Variants in PLXNA4 observed in about 807,000 individuals in gnomAD.
PLXNA4 encodes plexin-A4.
A neutral mutation model predicts 191.8 loss-of-function variants in PLXNA4; 44 were observed. The observed-to-expected ratio is 0.23, with a 90% CI of 0.18 to 0.29. The LOEUF (loss-of-function observed/expected upper bound fraction) is 0.29. PLXNA4 is among the 10% of genes least tolerant of loss of function. The pLI is 1.00. For synonymous variants in PLXNA4, 1,082 were observed against 1,009.5 expected (o/e 1.07, Z -1.36); for missense variants, 1,800 against 2,488.8 (o/e 0.72, Z 5.89).
chr7:132,492,001 C>T (rs1351575702), intron 2 of PLXNA4, among the ~76,000 whole-genome samples: 2 of 152,174 alleles, frequency 1.3e-5, no homozygotes, highest in Non-Finnish European at 2.9e-5. Context: ...CCTCGTGGCC[C>T]TTGAATGTTC....
Position 132,368,710 on chromosome 7 carries a change from G to A in PLXNA4, c.1372-70488C>T, listed in dbSNP as rs539508206. On this transcript the variant is annotated intron_variant, in intron 3 of 31. Transcript: ENST00000321063. ...CCATCAACAGTTGTAGATGAGGCTG[G>A]AGCTGAGAAGAACTGACAAGCAGAC... 2.2e-4 allele frequency among the ~76,000 whole-genome samples: 33 copies of A among 152,326 alleles called. 1 individual carries two copies. The highest frequency in any genetic ancestry group is 7.7e-4 in the African/African-American group (32 of 41,580).
At chr7:132,223,690 A>C (rs764929729) in intron 8 of PLXNA4, 49 bp from the exon 9 acceptor site, 1 of 1,465,134 alleles carries the variant, frequency 6.8e-7, no homozygotes, top group Admixed American at 1.8e-5. Context: ...GGATGAGCCC[A>C]AAGCAGAGGG....
chr7:132,374,948 A>G (rs957512478), intron 3 of PLXNA4, among the ~76,000 whole-genome samples: 1 of 152,204 alleles, frequency 6.6e-6, no homozygotes, highest in Non-Finnish European at 1.5e-5. Flanking sequence ...GTTCTTTTCA[A>G]GGTGTCAGAG....
intron 3 of PLXNA4, among the ~76,000 whole-genome samples, chr7:132,456,106 CTGT>C (rs754830404): frequency 2.1e-5 from 3 of 145,264 alleles, no homozygotes; most frequent in Non-Finnish European, 4.4e-5. Context: ...CGCATCTCCT[CTGT>C]TCTTTTTTTT....
intron 3 of PLXNA4, among the ~76,000 whole-genome samples, chr7:132,426,228 C>T (rs980105410): frequency 7.9e-5 from 12 of 152,192 alleles, no homozygotes; most frequent in African/African-American, 2.2e-4. Context: ...CAGAGCCCAC[C>T]GCCATGGCTC....
intron 3 of PLXNA4, among the ~76,000 whole-genome samples, chr7:132,451,473 G>A (rs928883242): frequency 4.6e-5 from 7 of 152,116 alleles, no homozygotes; most frequent in African/African-American, 1.7e-4. Flanking sequence ...AGATGGGCCT[G>A]GTACTCGGGA....
At chr7:132,282,023 G>T (rs2116400212) in intron 4 of PLXNA4, among the ~76,000 whole-genome samples, 1 of 152,308 alleles carries the variant, frequency 6.6e-6, no homozygotes, top group African/African-American at 2.4e-5. Context: ...CCTCCAAGAT[G>T]TTGGGTTCCC....
chr7:132,173,677 T>TAGAC (rs1796361934), intron 21 of PLXNA4, among the ~76,000 whole-genome samples: 2 of 152,222 alleles, frequency 1.3e-5, no homozygotes. Context: ...ACAGCCCACT[T>TAGAC]AGACATTCCC....
intron 1 of PLXNA4, among the ~76,000 whole-genome samples, chr7:132,548,359 G>A (rs1204221793): frequency 6.6e-6 from 1 of 152,152 alleles, no homozygotes; most frequent in Non-Finnish European, 1.5e-5. Context: ...TGCAAGTAAG[G>A]TCTTTATTTA....
chr7:132,167,330 G>C (rs1417931256), intron 22 of PLXNA4, among the ~76,000 whole-genome samples: 2 of 152,272 alleles, frequency 1.3e-5, no homozygotes, highest in East Asian at 3.9e-4. Flanking sequence ...AGGGTGTTGA[G>C]TGGTGGACTC....
intron 3 of PLXNA4, among the ~76,000 whole-genome samples, chr7:132,360,736 G>A (rs1209260569): frequency 6.6e-6 from 1 of 152,204 alleles, no homozygotes; most frequent in Non-Finnish European, 1.5e-5. Context: ...AGAGGCCTGC[G>A]TGCTTGTAGA....
Position 132,124,060 on chromosome 7 carries a change from C to T in PLXNA4, c.*6419G>A, listed in dbSNP as rs893059314. The T allele has an allele frequency of 6.6e-6, 1 of 152,262 alleles. No homozygotes were observed. Among genetic ancestry groups the T allele is most frequent in the Non-Finnish European group, 1.5e-5 (1 of 68,084 alleles). 9.4% of individuals were successfully genotyped at this position (152,262 alleles called of 1,614,324 possible). A position where few individuals can be genotyped will look rare whatever the true frequency, so the allele number is the denominator to read the frequency against. On this transcript the variant is annotated 3_prime_UTR_variant, in exon 32 of 32. Transcript: ENST00000321063. Reference sequence around the variant, plus strand: ...GGGCAGTGGCATCCAATCCTTCCTTCCCACCTCAGGGCCTGGAGGCCTTGT... The same window carrying T: ...GGGCAGTGGCATCCAATCCTTCCTTTCCACCTCAGGGCCTGGAGGCCTTGT...
chr7:132,608,446 T>C (rs1225129536), intron 2 of PLXNA4, among the ~76,000 whole-genome samples: 2 of 152,196 alleles, frequency 1.3e-5, no homozygotes, highest in Non-Finnish European at 1.5e-5. Context: ...GTCACTGCAC[T>C]CGAGGAACAC....
At chr7:132,333,081 T>G (rs1802658493) in intron 3 of PLXNA4, among the ~76,000 whole-genome samples, 1 of 152,192 alleles carries the variant, frequency 6.6e-6, no homozygotes, top group Non-Finnish European at 1.5e-5. Flanking sequence ...CCCTGCAATT[T>G]AAAAGTCACT....
At chr7:132,379,094 G>A (rs183292143) in intron 3 of PLXNA4, among the ~76,000 whole-genome samples, 63 of 152,164 alleles carry the variant, frequency 4.1e-4, no homozygotes, top group Non-Finnish European at 7.4e-4. Context: ...CAGATGATCC[G>A]TCCACCTCAG....
chr7:132,334,252 C>CTTTCTTTTTTTTT (rs1554417000), intron 3 of PLXNA4, among the ~76,000 whole-genome samples: 11 of 75,606 alleles, frequency 1.5e-4, no homozygotes, highest in African/African-American at 2.4e-4. Context: ...TTCTTTCTTT[C>CTTTCTTTTTTTTT]TTTTTTTTTT....
Position 132,462,630 on chromosome 7 carries a change from C to G in PLXNA4, c.1371+26662G>C, listed in dbSNP as rs112898448. On this transcript the variant is annotated intron_variant, in intron 3 of 31. Transcript: ENST00000321063. ...AATAATTATTATTATTTTGTACAGA[C>G]AGGGTCTCACTATGTTGCCCAGGCT... is the stretch of plus-strand genomic sequence containing the variant. Among the ~76,000 whole-genome samples the G allele has an allele frequency of 2.7e-3, 418 of 152,034 alleles. 2 individuals are homozygous for G. The highest frequency in any genetic ancestry group is 4.4e-3 in the Non-Finnish European group (298 of 67,978).
intron 2 of PLXNA4, among the ~76,000 whole-genome samples, chr7:132,644,248 C>T (rs1037442141): frequency 5.3e-5 from 8 of 152,152 alleles, no homozygotes; most frequent in Non-Finnish European, 1.0e-4. Flanking sequence ...AGTAGCAACG[C>T]CCACCTCATG....
intron 3 of PLXNA4, among the ~76,000 whole-genome samples, chr7:132,462,563 G>A (rs1381789700): frequency 6.6e-6 from 1 of 151,842 alleles, no homozygotes; most frequent in Non-Finnish European, 1.5e-5. Context: ...TAGAGAAAAA[G>A]GCATAGGGAT....
Sources: gnomAD v4.1 joint callset for allele counts (sites outside exome capture counted in the v4.1 genomes callset) on GRCh38, gnomAD v4.1.1 for gene constraint, MANE v1.5 for transcripts, NCBI Gene and HGNC (gene_info 2026-07-23, HGNC 2026-07-21) for gene names.